TRIM2: variants seen among roughly 807,000 people sequenced by gnomAD.
The protein encoded by TRIM2 is tripartite motif-containing protein 2.
In TRIM2, 20 loss-of-function variants were observed where a neutral mutation model predicts 75.2. That is an observed-to-expected ratio of 0.27 (90% confidence interval 0.19 to 0.39). The LOEUF is 0.39. TRIM2 is among the 10% of genes least tolerant of loss of function. TRIM2 has a pLI of 1.00. For missense variants in TRIM2, 660 were observed against 990.8 expected (o/e 0.67, Z 4.48); for synonymous variants, 373 against 388.3 (o/e 0.96, Z 0.46).
rs573521861 is a variant in TRIM2, at chr4:153,290,993, T to C, written c.454-1989T>C. On this transcript the variant is annotated intron_variant, in intron 3 of 11. Coordinates refer to ENST00000338700, the MANE Select transcript of TRIM2 (RefSeq NM_015271.5). The stretch of plus-strand genomic sequence containing the variant: ...CCAGTTAATGTTTCAAGCCTATTCC[T>C]AAAAGGCCTGCAGAGGAGCAAAGTA... 6.6e-5 allele frequency among the ~76,000 whole-genome samples: 10 copies of C among 151,588 alleles called. No individual in the cohort carries two copies. In the East Asian group the frequency reaches 1.6e-3, roughly 24 times the overall value.
chr4:153,176,493 TAAC>T (rs145035956), intron 1 of TRIM2, among the ~76,000 whole-genome samples: 54,639 of 151,724 alleles, frequency 0.36, 9,934 homozygotes, highest in East Asian at 0.45. Context: ...GGCAAAATGT[TAAC>T]AACAGGTAAA....
chr4:153,324,507 G>A (rs564352762), intron 10 of TRIM2: 83 of 203,638 alleles, frequency 4.1e-4, no homozygotes, highest in Non-Finnish European at 7.1e-4. Flanking sequence ...GCATCTTTTT[G>A]TTAAAAAAAA....
intron 1 of TRIM2, among the ~76,000 whole-genome samples, chr4:153,189,160 G>A (rs1732925962): frequency 6.6e-6 from 1 of 152,160 alleles, no homozygotes; most frequent in Non-Finnish European, 1.5e-5. Flanking sequence ...TGGAGAGGCC[G>A]TTTCTAACTA....
At chr4:153,308,817 C>A in intron 6 of TRIM2, 1 of 425,166 alleles carries the variant, frequency 2.4e-6, no homozygotes, top group Middle Eastern at 6.0e-4. Flanking sequence ...AGATGCTGAG[C>A]TGAAAATATA....
intron 1 of TRIM2, among the ~76,000 whole-genome samples, chr4:153,168,377 G>A (rs1019049043): frequency 4.6e-5 from 7 of 152,086 alleles, no homozygotes; most frequent in Admixed American, 1.3e-4. Flanking sequence ...AAACCGTCTT[G>A]CATGATACTA....
intron 1 of TRIM2, among the ~76,000 whole-genome samples, chr4:153,235,010 A>G (rs1424045475): frequency 6.6e-6 from 1 of 152,152 alleles, no homozygotes; most frequent in Non-Finnish European, 1.5e-5. Flanking sequence ...TGGTGCTTCC[A>G]AACTGCTTCT....
rs1173227552 is a variant in TRIM2, at chr4:153,328,550, A to G, written c.2043A>G (p.Glu681=). The change falls in exon 11 of 12, where the codon GAA becomes GAG. Residue 681 remains glutamate, a synonymous_variant. Transcript: ENST00000338700. Reference sequence around the variant, plus strand: ...TACAGGTGTTTAATCAGGAAGGAGAATTCATGTTGAAGTTTGGCTCAAATG... The same window carrying G: ...TACAGGTGTTTAATCAGGAAGGAGAGTTCATGTTGAAGTTTGGCTCAAATG... The part of the protein sequence containing the change: ...HSVKVFNQEG[E]FMLKFGSNGE... 2 of 1,612,102 alleles carry G rather than the reference A, an allele frequency of 1.2e-6. No individual in the cohort carries two copies. Among genetic ancestry groups the G allele is most frequent in the African/African-American group, 1.3e-5 (1 of 74,956 alleles).
At chr4:153,203,528 C>T (rs953671053), upstream of TRIM2, among the ~76,000 whole-genome samples, 1 of 150,694 alleles carries the variant, frequency 6.6e-6, no homozygotes, top group Non-Finnish European at 1.5e-5. Context: ...ACCAATCTTG[C>T]AGTGAGCTGA....
chr4:153,294,394 A>G lies in TRIM2; in HGVS notation c.695A>G (p.His232Arg), dbSNP rs1346893597. The change falls in exon 5 of 12, where the codon CAT becomes CGT. Residue 232 changes from histidine to arginine, a missense_variant. By Grantham distance (29) the His-to-Arg change is conservative. Transcript: ENST00000338700. ...AAGGCCAGCATCGTGGATGACATTCATTCCACCTTTGATGAGCTCCAGAAG... is the reference window on the plus strand; with the variant it reads ...AAGGCCAGCATCGTGGATGACATTCGTTCCACCTTTGATGAGCTCCAGAAG... ...NQKASIVDDI[H>R]STFDELQKTL... 4 of 1,614,202 alleles carry G rather than the reference A, an allele frequency of 2.5e-6. No homozygotes were observed. The highest frequency in any genetic ancestry group is 3.4e-6 in the Non-Finnish European group (4 of 1,180,034).
intron 8 of TRIM2, among the ~76,000 whole-genome samples, chr4:153,317,675 T>G (rs1767988617): frequency 6.7e-6 from 1 of 149,940 alleles, no homozygotes. Flanking sequence ...AAAAAAGATC[T>G]ATCTTGCCTG....
intron 1 of TRIM2, among the ~76,000 whole-genome samples, chr4:153,254,695 C>T (rs950194315): frequency 1.3e-5 from 2 of 152,190 alleles, no homozygotes; most frequent in Non-Finnish European, 2.9e-5. Flanking sequence ...TTTGCCAAGA[C>T]ATATGCTAAA....
rs1478729088 is a variant in TRIM2, at chr4:153,244,307, C to T, written c.31-26028C>T. Among the ~76,000 whole-genome samples the T allele has an allele frequency of 2.0e-3, 87 of 42,512 alleles. 3 individuals are homozygous for T. Among genetic ancestry groups the T allele is most frequent in the African/African-American group, 0.01 (65 of 6,236 alleles). The allele number at this position is 42,512 out of a possible 152,430, so 27.9% of individuals were successfully genotyped here. The stretch of plus-strand genomic sequence containing the variant: ...CCTCCTCCTCCTCCTCCTCCTCCTC[C>T]TCCTCCTCCTCCTCTTCTTCTTCTT... On this transcript the variant is annotated intron_variant, in intron 1 of 11. Coordinates refer to ENST00000338700, the MANE Select transcript of TRIM2 (RefSeq NM_015271.5).
At chr4:153,244,141 CT>C (rs1747496126) in intron 1 of TRIM2, among the ~76,000 whole-genome samples, 1 of 138,668 alleles carries the variant, frequency 7.2e-6, no homozygotes, top group African/African-American at 2.7e-5. Flanking sequence ...TCTTCTTCTT[CT>C]TGTTCTTCTT....
In TRIM2 at chr4:153,337,286, A is replaced by G; in HGVS notation, c.*2320A>G. On this transcript the variant is annotated 3_prime_UTR_variant, in exon 12 of 12. Transcript: ENST00000338700. ...GATTTAAAGAGTTTTTTTGCACAACATTTCAATTATATTTGTGAACTTAGA... is the reference window on the plus strand; with the variant it reads ...GATTTAAAGAGTTTTTTTGCACAACGTTTCAATTATATTTGTGAACTTAGA... 1.0e-6 allele frequency: 1 copy of G among 985,828 alleles called. No homozygotes were observed. The allele number at this position is 985,828 out of a possible 1,614,324, so 61.1% of individuals were successfully genotyped here. A position where few individuals can be genotyped will look rare whatever the true frequency, so the allele number is the denominator to read the frequency against.
intron 6 of TRIM2, among the ~76,000 whole-genome samples, chr4:153,304,012 C>A (rs1026289910): frequency 6.6e-6 from 1 of 152,114 alleles, no homozygotes; most frequent in Non-Finnish European, 1.5e-5. Flanking sequence ...AGATGGAGTG[C>A]CTTCAGCATA....
Position 153,248,065 on chromosome 4 carries a change from T to C in TRIM2, c.31-22270T>C, listed in dbSNP as rs1749800125. ...GGCTGGAGTGCGGTGACACAGTCTCTGCTCACTGGCGCGTCCGCCTCTGGG... is the reference window on the plus strand; with the variant it reads ...GGCTGGAGTGCGGTGACACAGTCTCCGCTCACTGGCGCGTCCGCCTCTGGG... On this transcript the variant is annotated intron_variant, in intron 1 of 11. Coordinates refer to ENST00000338700, the MANE Select transcript of TRIM2 (RefSeq NM_015271.5). This position sits in a 1 kb window ranked among gnomAD's most constrained non-coding sequence, Gnocchi z 4.0. Among the ~76,000 whole-genome samples, 1 of 150,482 alleles carries C rather than the reference T, an allele frequency of 6.6e-6. No individual in the cohort carries two copies. Among genetic ancestry groups the C allele is most frequent in the African/African-American group, 2.5e-5 (1 of 40,692 alleles).
intron 1 of TRIM2, among the ~76,000 whole-genome samples, chr4:153,169,115 G>C (rs183096723): frequency 7.4e-4 from 113 of 152,262 alleles, no homozygotes; most frequent in African/African-American, 2.5e-3. Flanking sequence ...TCATAGTGTT[G>C]ATTCTTCTCA....
intron 1 of TRIM2, among the ~76,000 whole-genome samples, chr4:153,179,716 G>T (rs570688370): frequency 2.0e-5 from 3 of 152,280 alleles, no homozygotes; most frequent in African/African-American, 7.2e-5. Context: ...ACTCTCAAGG[G>T]GGGAGGTGTA....
At chr4:153,251,877 A>T (rs1334593778) in intron 1 of TRIM2, among the ~76,000 whole-genome samples, 4 of 152,116 alleles carry the variant, frequency 2.6e-5, no homozygotes, top group Non-Finnish European at 5.9e-5. Context: ...GCTACTGGGG[A>T]GACTAAGGTG....
Sources: allele counts gnomAD v4.1 joint callset (sites outside exome capture counted in the v4.1 genomes callset), GRCh38; gene constraint gnomAD v4.1.1; non-coding constraint Gnocchi (gnomAD v3.1); transcripts MANE v1.5; gene names NCBI Gene and HGNC (gene_info 2026-07-23, HGNC 2026-07-21).